TCFL5: variants seen among roughly 807,000 people sequenced by gnomAD.
TCFL5 encodes transcription factor like 5, also known as transcription factor-like 5 protein.
In TCFL5, 9 loss-of-function variants were observed where a neutral mutation model predicts 44.3. The observed-to-expected ratio is 0.20, with a 90% CI of 0.12 to 0.35. The LOEUF is 0.35. TCFL5 is among the 10% of genes least tolerant of loss of function. The pLI is 1.00. For synonymous variants in TCFL5, 319 were observed against 271.6 expected (o/e 1.17, Z -1.72); for missense variants, 603 against 613.4 (o/e 0.98, Z 0.18).
rs1015854838 is a variant in TCFL5, at chr20:62,861,242, C to G, written c.429G>C (p.Thr143=). The G allele has an allele frequency of 2.4e-5, 28 of 1,184,696 alleles. No homozygotes were observed. Among genetic ancestry groups the G allele is most frequent in the Non-Finnish European group, 3.0e-5 (28 of 940,194 alleles). 73.4% of individuals were successfully genotyped at this position (1,184,696 alleles called of 1,614,324 possible). The change falls in exon 1 of 6, where the codon ACG becomes ACC. Residue 143 remains threonine (T), a synonymous_variant. Coordinates refer to ENST00000335351, the MANE Select transcript of TCFL5 (RefSeq NM_006602.4). This position sits in a 1 kb window ranked among gnomAD's most constrained non-coding sequence, Gnocchi z 4.0. ...CCCTCGCTCCGTCCCCGCCGCCCGA[C>G]GTCTTCTCCGCCGCGCCCGCCTCGC... ...LLSEAGAAEK[T]SGGGDGARAR...
intron 5 of TCFL5, chr20:62,845,941 C>G: frequency 6.8e-7 from 1 of 1,478,180 alleles, no homozygotes; most frequent in South Asian, 1.2e-5. Flanking sequence ...GAACCCTGAA[C>G]AGCTGGAAAT....
At chr20:62,852,889 C>T in intron 5 of TCFL5, 1 of 1,289,732 alleles carries the variant, frequency 7.8e-7, no homozygotes, top group Non-Finnish European at 1.0e-6. Flanking sequence ...GTCACCCAGT[C>T]TGCAGAAGTA....
chr20:62,850,683 C>T (rs1301515688), intron 5 of TCFL5, among the ~76,000 whole-genome samples: 1 of 152,188 alleles, frequency 6.6e-6, no homozygotes, highest in East Asian at 1.9e-4. Context: ...CACTCACTGC[C>T]CAAAGACTGC....
intron 5 of TCFL5, among the ~76,000 whole-genome samples, chr20:62,847,041 G>A (rs1163259786): frequency 2.0e-5 from 3 of 151,970 alleles, no homozygotes; most frequent in Non-Finnish European, 2.9e-5. Context: ...AAAATTTGCC[G>A]GGGTGGTGGC....
At chr20:62,852,755 A>G (rs1269613627) in intron 5 of TCFL5, 2 of 1,286,076 alleles carry the variant, frequency 1.6e-6, no homozygotes, top group Non-Finnish European at 2.0e-6. Flanking sequence ...CCTGGTCCGC[A>G]GAAGTATATT....
Position 62,860,029 on chromosome 20 carries a change from T to C in TCFL5, c.831+96A>G, listed in dbSNP as rs369601516. The C allele has an allele frequency of 1.5e-5, 19 of 1,275,096 alleles. No homozygotes were observed. In the East Asian group the frequency reaches 2.6e-4, roughly 17 times the overall value. 79.0% of individuals were successfully genotyped at this position (1,275,096 alleles called of 1,614,324 possible). A position where few individuals can be genotyped will look rare whatever the true frequency, so the allele number is the denominator to read the frequency against. ...CGGCTTAAAAGGTTATTAAGCTCAC[T>C]GAAGGGAAAAAAAAGTACTTGGGAC... On this transcript the variant is annotated intron_variant, in intron 2 of 5. Transcript: ENST00000335351.
intron 5 of TCFL5, among the ~76,000 whole-genome samples, chr20:62,848,769 G>A (rs2063774906): frequency 1.3e-5 from 2 of 152,108 alleles, no homozygotes; most frequent in Admixed American, 1.3e-4. Context: ...CGGGTGTGGT[G>A]GCTCAGGCCT....
intron 5 of TCFL5, chr20:62,852,854 T>C (rs1374824837): frequency 7.8e-7 from 1 of 1,288,524 alleles, no homozygotes; most frequent in Non-Finnish European, 1.0e-6. Context: ...CACAAAAGTA[T>C]GTTCACCCAG....
chr20:62,857,148 T>A (rs1237019208), intron 4 of TCFL5, among the ~76,000 whole-genome samples: 2 of 152,200 alleles, frequency 1.3e-5, no homozygotes, highest in Non-Finnish European at 2.9e-5. Context: ...GCACCTGGCA[T>A]CCTTTCTCCA....
At chr20:62,845,635 C>T (rs764709247) in intron 5 of TCFL5, 11 of 1,598,144 alleles carry the variant, frequency 6.9e-6, no homozygotes, top group Middle Eastern at 1.7e-4. Flanking sequence ...ACTGCTGGGG[C>T]GTCACCCCTT....
chr20:62,850,559 C>T (rs958731729), intron 5 of TCFL5, among the ~76,000 whole-genome samples: 5 of 152,178 alleles, frequency 3.3e-5, no homozygotes, highest in Admixed American at 2.0e-4. Context: ...AGCCATCGCC[C>T]GGCAAGCCAC....
chr20:62,860,867 G>C (rs944688011), intron 1 of TCFL5, among the ~76,000 whole-genome samples, 157 bp downstream of exon 1: 7 of 152,188 alleles, frequency 4.6e-5, no homozygotes, highest in South Asian at 4.1e-4. Context: ...ACAGCCTTTC[G>C]GGGCGGCCCC....
intron 5 of TCFL5, among the ~76,000 whole-genome samples, chr20:62,843,731 A>G (rs1367699027): frequency 6.6e-6 from 1 of 152,182 alleles, no homozygotes; most frequent in Non-Finnish European, 1.5e-5. Flanking sequence ...CTCCGTACCC[A>G]TTAAACACTA....
At position 62,861,562 on chromosome 20, in the gene TCFL5, G is replaced by T; in HGVS notation, c.109C>A (p.Leu37Met). ...CTCAGGTCGGTGGTCGTGAAGCTCAGCCCCGGCTCGCCCAGCGCCGCGTCC... is the reference window on the plus strand; with the variant it reads ...CTCAGGTCGGTGGTCGTGAAGCTCATCCCCGGCTCGCCCAGCGCCGCGTCC... ...GGDAALGEPG[L>M]SFTTTDLSLV... Residue 37 changes from leucine to methionine, a missense_variant, in exon 1 of 6, where the codon CTG becomes ATG. By Grantham distance (15) the Leu-to-Met change is conservative. This residue lies in a region of TCFL5 where 540 missense variants were observed against 478.7 expected (regional missense o/e 1.13). Coordinates refer to ENST00000335351, the MANE Select transcript of TCFL5 (RefSeq NM_006602.4). This position sits in a 1 kb window ranked among gnomAD's most constrained non-coding sequence, Gnocchi z 4.0. The T allele has an allele frequency of 8.9e-7, 1 of 1,118,760 alleles. No homozygotes were observed. Among genetic ancestry groups the T allele is most frequent in the Non-Finnish European group, 1.1e-6 (1 of 906,184 alleles). 69.3% of individuals were successfully genotyped at this position (1,118,760 alleles called of 1,614,324 possible). A position where few individuals can be genotyped will look rare whatever the true frequency, so the allele number is the denominator to read the frequency against.
At chr20:62,851,672 C>T (rs2063811982) in intron 5 of TCFL5, 1 of 985,292 alleles carries the variant, frequency 1.0e-6, no homozygotes, top group Non-Finnish European at 1.2e-6. Flanking sequence ...AATTATGCAA[C>T]TCGCAAGATG....
chr20:62,841,020 T>A lies in TCFL5; in HGVS notation c.*955A>T. 2.4e-6 allele frequency: 1 copy of A among 417,140 alleles called. No homozygotes were observed. The highest frequency in any genetic ancestry group is 4.4e-6 in the Non-Finnish European group (1 of 226,968). 25.8% of individuals were successfully genotyped at this position (417,140 alleles called of 1,614,324 possible). On this transcript the variant is annotated 3_prime_UTR_variant, in exon 6 of 6. Coordinates refer to ENST00000335351, the MANE Select transcript of TCFL5 (RefSeq NM_006602.4). ...TACAACTCCACGAGGTGAAAAATATTCAGTAACTTGTTTACATAGCATTTG... is the reference window on the plus strand; with the variant it reads ...TACAACTCCACGAGGTGAAAAATATACAGTAACTTGTTTACATAGCATTTG...
intron 5 of TCFL5, 120 bp downstream of exon 5, chr20:62,853,896 T>C (rs1327296697): frequency 7.5e-6 from 8 of 1,060,346 alleles, no homozygotes; most frequent in Non-Finnish European, 5.5e-6. Flanking sequence ...ATACTGGACT[T>C]AGTATTTGAT....
intron 4 of TCFL5, among the ~76,000 whole-genome samples, chr20:62,856,549 C>CA (rs1199029699): frequency 4.6e-5 from 7 of 151,338 alleles, no homozygotes; most frequent in African/African-American, 1.2e-4. Flanking sequence ...CTAAAAAATA[C>CA]AAAAAAATTA....
At chr20:62,857,701 A>G in intron 3 of TCFL5, 63 bp from the exon 4 acceptor site, 2 of 1,568,596 alleles carry the variant, frequency 1.3e-6, no homozygotes, top group South Asian at 2.4e-5. Context: ...AATGCTGAAT[A>G]CAGTTTTGGC....
Sources: gnomAD v4.1 joint callset for allele counts (sites outside exome capture counted in the v4.1 genomes callset) on GRCh38, gnomAD v4.1.1 for gene constraint, gnomAD v4.1.1 regional missense constraint, Gnocchi (gnomAD v3.1) non-coding constraint, MANE v1.5 for transcripts, NCBI Gene and HGNC (gene_info 2026-07-23, HGNC 2026-07-21) for gene names.